AKAP9: variants seen among roughly 807,000 people sequenced by gnomAD.
AKAP9 encodes A-kinase anchor protein 9.
In AKAP9, 311 loss-of-function variants were observed where a neutral mutation model predicts 488.5. That is an observed-to-expected ratio of 0.64 (90% CI 0.58 to 0.70). AKAP9 has a LOEUF of 0.70. AKAP9 is among the 30% of genes least tolerant of loss of function. The pLI, the probability that AKAP9 is intolerant of heterozygous loss-of-function variation, is 0.00. For synonymous variants in AKAP9, 1,462 were observed against 1,483.5 expected, an observed-to-expected ratio of 0.99 and a Z score of 0.33; for missense variants, 4,215 against 4,374.5, an observed-to-expected ratio of 0.96 and a Z score of 1.03.
chr7:92,092,896 C>G, intron 38 of AKAP9: 1 of 522,416 alleles, frequency 1.9e-6, no homozygotes, highest in Non-Finnish European at 3.4e-6. Context: ...GTCCTCCCTC[C>G]CACCTCAGCC....
At position 92,097,566 on chromosome 7, in the gene AKAP9, A is replaced by G; in HGVS notation, c.10399-20A>G. 5 of 1,610,154 alleles carry G rather than the reference A, an allele frequency of 3.1e-6. No homozygotes were observed. Among genetic ancestry groups the G allele is most frequent in the Non-Finnish European group, 4.2e-6 (5 of 1,177,798 alleles). ...GTTCACTTATAATTATTGTTTTCTT[A>G]TTCTGTCCAAAATTGCCAGCCAACC... On this transcript the variant is annotated intron_variant, in intron 41 of 49. Coordinates refer to ENST00000356239, the MANE Select transcript of AKAP9 (RefSeq NM_005751.5).
Position 92,079,100 on chromosome 7 carries a change from C to T in AKAP9, c.6967C>T (p.Leu2323=). 6.2e-7 allele frequency: 1 copy of T among 1,607,798 alleles called. No homozygotes were observed. The highest frequency in any genetic ancestry group is 8.5e-7 in the Non-Finnish European group (1 of 1,177,628). Residue 2323 remains leucine, a synonymous_variant, in exon 31 of 50, where the codon CTG becomes TTG. Transcript: ENST00000356239. ...TTAGGTTATTGAAGAAAAAAATGAA[C>T]TGATAAGGGATCTTGAAACCCAAAT... ...DNKVIEEKNE[L]IRDLETQIEC... is the part of the protein sequence containing the mutation.
chr7:92,036,012 GTT>G (rs894336586), intron 16 of AKAP9, among the ~76,000 whole-genome samples: 2 of 143,304 alleles, frequency 1.4e-5, no homozygotes, highest in African/African-American at 2.5e-5. Flanking sequence ...TTCTTTAGAA[GTT>G]TTTTTTTTTT....
chr7:92,040,322 T>G (rs1163758682), intron 17 of AKAP9, among the ~76,000 whole-genome samples: 5 of 152,184 alleles, frequency 3.3e-5, no homozygotes, highest in Non-Finnish European at 7.4e-5. Context: ...TTATTTTCCC[T>G]TCATAAAATG....
At chr7:91,977,217 A>G (rs962342162) in intron 2 of AKAP9, among the ~76,000 whole-genome samples, 1 of 152,060 alleles carries the variant, frequency 6.6e-6, no homozygotes, top group Non-Finnish European at 1.5e-5. Context: ...CTGTGATCAC[A>G]CCAGTGCACT....
At position 91,994,756 on chromosome 7, in the gene AKAP9, T is replaced by C. The variant is rs768850484; in HGVS notation, c.712T>C (p.Leu238=). Residue 238 remains leucine (L), a synonymous_variant, in exon 6 of 50, where the codon TTA becomes CTA. Coordinates refer to ENST00000356239, the MANE Select transcript of AKAP9 (RefSeq NM_005751.5). The stretch of plus-strand genomic sequence containing the variant: ...AGAGTTGACAGAACAGAGTCAAAAA[T>C]TACAGATTCAATTTCAGCAAGTAAG... ...FLELTEQSQK[L]QIQFQQLQAS... is the part of the protein sequence containing the mutation. 3 of 1,611,412 alleles carry C rather than the reference T, an allele frequency of 1.9e-6. No homozygotes were observed. In the South Asian group the frequency reaches 3.3e-5, roughly 18 times the overall value.
At chr7:91,950,330 C>T (rs796583492) in intron 1 of AKAP9, among the ~76,000 whole-genome samples, 4 of 150,986 alleles carry the variant, frequency 2.6e-5, no homozygotes, top group African/African-American at 7.3e-5. Context: ...CCCGGGTTCA[C>T]GCCATTCTCC....
intron 8 of AKAP9, among the ~76,000 whole-genome samples, chr7:92,007,281 C>CTTTTT (rs35623219): frequency 2.4e-5 from 2 of 84,118 alleles, no homozygotes; most frequent in Non-Finnish European, 4.4e-5. Flanking sequence ...AACTGAAATT[C>CTTTTT]TTTTTTTTTT....
At chr7:92,013,895 TAGAAC>T (rs1163837191) in intron 9 of AKAP9, among the ~76,000 whole-genome samples, 2 of 150,024 alleles carry the variant, frequency 1.3e-5, no homozygotes, top group African/African-American at 2.5e-5. Context: ...AAAAACAAAG[TAGAAC>T]AGAAGACATT....
chr7:91,984,632 T>C (rs1796838148), intron 3 of AKAP9, among the ~76,000 whole-genome samples: 1 of 152,224 alleles, frequency 6.6e-6, no homozygotes, highest in Non-Finnish European at 1.5e-5. Context: ...TGGTTCCATA[T>C]GAACTTTAAA....
intron 49 of AKAP9, chr7:92,109,118 T>C: frequency 4.1e-6 from 1 of 242,732 alleles, no homozygotes. Context: ...GCACTTACTT[T>C]AAGCACTTAA....
At chr7:91,998,416 C>CTT (rs1554402644) in intron 7 of AKAP9, among the ~76,000 whole-genome samples, 3 of 57,350 alleles carry the variant, frequency 5.2e-5, no homozygotes, top group Non-Finnish European at 1.2e-4. Context: ...AACCACAGGG[C>CTT]TCTTTTTTTT....
intron 14 of AKAP9, among the ~76,000 whole-genome samples, chr7:92,027,834 G>A (rs185223648): frequency 1.3e-5 from 2 of 152,298 alleles, no homozygotes; most frequent in South Asian, 2.1e-4. Flanking sequence ...TGACGATGGC[G>A]GTTTTGTTGA....
At chr7:92,088,525 CTA>C (rs1216711695) in intron 37 of AKAP9, among the ~76,000 whole-genome samples, 7 of 152,108 alleles carry the variant, frequency 4.6e-5, no homozygotes, top group Admixed American at 3.9e-4. Context: ...AAGAAACAAA[CTA>C]TTTATGCCTA....
chr7:92,029,768 C>G, intron 14 of AKAP9, 127 bp from the exon 15 acceptor site: 3 of 737,496 alleles, frequency 4.1e-6, no homozygotes, highest in Non-Finnish European at 7.3e-6. Context: ...ACTTGCAATA[C>G]CTATAACCCT....
chr7:91,974,237 T>A (rs1795402149), intron 2 of AKAP9, among the ~76,000 whole-genome samples: 1 of 152,184 alleles, frequency 6.6e-6, no homozygotes, highest in Non-Finnish European at 1.5e-5. Context: ...TCTCTGCCCT[T>A]TAGGAAAATT....
At chr7:92,016,054 G>A in intron 10 of AKAP9, 75 bp from the exon 11 acceptor site, 1 of 1,286,006 alleles carries the variant, frequency 7.8e-7, no homozygotes, top group Non-Finnish European at 1.1e-6. Context: ...TTGCATCTAG[G>A]AGAATTATGT....
In AKAP9 at chr7:92,012,417, GTTTAC is replaced by G; in HGVS notation, c.3319-7_3319-3del. ...TAAGAATATTATAATGTTTACATATGTTTACTTTAAGAATGATTTAAGGCTACAGA... is the reference window on the plus strand; with the variant it reads ...TAAGAATATTATAATGTTTACATATGTTTAAGAATGATTTAAGGCTACAGA... On this transcript the variant is annotated splice_region_variant and splice_polypyrimidine_tract_variant and intron_variant, in intron 8 of 49. Coordinates refer to ENST00000356239, the MANE Select transcript of AKAP9 (RefSeq NM_005751.5). 3 of 1,604,478 alleles carry G rather than the reference GTTTAC, an allele frequency of 1.9e-6. No individual in the cohort carries two copies. The highest frequency in any genetic ancestry group is 1.7e-6 in the Non-Finnish European group (2 of 1,171,690).
At chr7:92,011,594 C>T (rs1214559728) in intron 8 of AKAP9, among the ~76,000 whole-genome samples, 1 of 152,094 alleles carries the variant, frequency 6.6e-6, no homozygotes, top group Non-Finnish European at 1.5e-5. Flanking sequence ...TTGCATCTGA[C>T]AGCAAGATTT....
Sources: gnomAD v4.1 joint callset for allele counts (sites outside exome capture counted in the v4.1 genomes callset) on GRCh38, gnomAD v4.1.1 for gene constraint, MANE v1.5 for transcripts, NCBI Gene and HGNC (gene_info 2026-07-23, HGNC 2026-07-21) for gene names.